The following GABRB2 variants were observed in gnomAD, a reference collection of about 807,000 sequenced individuals.
GABRB2 encodes the protein gamma-aminobutyric acid type A receptor subunit beta2, also known as gamma-aminobutyric acid receptor subunit beta-2.
In GABRB2, 16 loss-of-function variants were observed where a neutral mutation model predicts 54.7. The observed-to-expected ratio is 0.29, with a 90% CI of 0.20 to 0.44. GABRB2 has a LOEUF of 0.44. Among genes scored for constraint, GABRB2 ranks in the 20% least tolerant of loss-of-function variants. GABRB2 has a pLI of 1.00. For synonymous variants in GABRB2, 244 were observed against 233.8 expected (o/e 1.04, Z -0.40); for missense variants, 355 against 644.0 (o/e 0.55, Z 4.86).
chr5:161,319,047 T>A (rs745846554), intron 9 of GABRB2, among the ~76,000 whole-genome samples: 12 of 151,824 alleles, frequency 7.9e-5, no homozygotes, highest in Non-Finnish European at 8.8e-5. Flanking sequence ...TAAATTGTCG[T>A]TGTTCCTGTT....
At chr5:161,497,756 C>T (rs1240768692) in intron 3 of GABRB2, among the ~76,000 whole-genome samples, 2 of 152,098 alleles carry the variant, frequency 1.3e-5, no homozygotes, top group Admixed American at 6.6e-5. Context: ...TCTATTACAG[C>T]CTTTCAAGGT....
At chr5:161,355,442 C>T (rs1754591767) in intron 5 of GABRB2, among the ~76,000 whole-genome samples, 1 of 150,654 alleles carries the variant, frequency 6.6e-6, no homozygotes, top group South Asian at 2.1e-4. Flanking sequence ...GTATATAACA[C>T]ACACATATAT....
chr5:161,312,271 T>C (rs1172230394), intron 9 of GABRB2, among the ~76,000 whole-genome samples: 1 of 152,168 alleles, frequency 6.6e-6, no homozygotes. Context: ...TTAGAATTCT[T>C]GTTAATTTGA....
At chr5:161,301,299 C>T (rs1757529677) in intron 9 of GABRB2, among the ~76,000 whole-genome samples, 1 of 152,174 alleles carries the variant, frequency 6.6e-6, no homozygotes, top group South Asian at 2.1e-4. Flanking sequence ...ATGAATTTAG[C>T]TAATCCTTAA....
In GABRB2 at chr5:161,319,409, A is replaced by T. The variant is rs556295089; in HGVS notation, c.1191+6959T>A. On this transcript the variant is annotated intron_variant, in intron 9 of 9. Transcript: ENST00000393959. ...AAAGGCTATAATATAAAAATATATT[A>T]TATATATTTTATATATTTATTTTAT... 2.2e-3 allele frequency among the ~76,000 whole-genome samples: 325 copies of T among 147,588 alleles called. 3 individuals carry two copies. The highest frequency in any genetic ancestry group is 0.011 in the Middle Eastern group (3 of 280).
At chr5:161,539,767 A>G (rs926992725) in intron 3 of GABRB2, among the ~76,000 whole-genome samples, 4 of 152,186 alleles carry the variant, frequency 2.6e-5, no homozygotes, top group South Asian at 2.1e-4. Context: ...TAAAGTGAAT[A>G]TCCCAATAAA....
intron 5 of GABRB2, among the ~76,000 whole-genome samples, chr5:161,389,820 A>G (rs531089463): frequency 5.3e-5 from 8 of 152,046 alleles, no homozygotes; most frequent in African/African-American, 1.9e-4. Flanking sequence ...GGAACAAATT[A>G]CCCCAAACCT....
At chr5:161,433,517 G>T (rs1006554706) in intron 4 of GABRB2, among the ~76,000 whole-genome samples, 3 of 151,966 alleles carry the variant, frequency 2.0e-5, no homozygotes, top group Non-Finnish European at 2.9e-5. Context: ...GACTTAGGTG[G>T]GAGGATCCTT....
intron 3 of GABRB2, among the ~76,000 whole-genome samples, chr5:161,492,391 G>A (rs1372135768): frequency 1.3e-5 from 2 of 151,554 alleles, no homozygotes; most frequent in South Asian, 2.1e-4. Flanking sequence ...ATAAGTGATC[G>A]TCTATGCCTG....
intron 5 of GABRB2, among the ~76,000 whole-genome samples, chr5:161,341,621 C>T (rs1426567068): frequency 1.2e-4 from 18 of 151,470 alleles, no homozygotes; most frequent in East Asian, 1.9e-4. Context: ...ATGGTAGATA[C>T]GTTCTCATTG....
In GABRB2 at chr5:161,442,229, T is replaced by A. The variant is rs150963783; in HGVS notation, c.458+17395A>T. Among the ~76,000 whole-genome samples the A allele has an allele frequency of 2.4e-4, 36 of 152,286 alleles. No homozygotes were observed. The East Asian group carries it at 5.8e-3, about 24-fold the overall frequency. On this transcript the variant is annotated intron_variant, in intron 4 of 9. Coordinates refer to ENST00000393959, the MANE Select transcript of GABRB2 (RefSeq NM_001371727.1). ...GTATCCCATAAATACAAATACCTAC[T>A]ATGTACCCCTACAAATGTACTTTTT...
chr5:161,465,127 T>C (rs1420910325), intron 3 of GABRB2, among the ~76,000 whole-genome samples: 1 of 152,144 alleles, frequency 6.6e-6, no homozygotes, highest in Non-Finnish European at 1.5e-5. Flanking sequence ...CCAGTATGTT[T>C]ATGTTCCTCT....
At chr5:161,535,665 T>C (rs1444727801) in intron 3 of GABRB2, among the ~76,000 whole-genome samples, 1 of 152,238 alleles carries the variant, frequency 6.6e-6, no homozygotes, top group East Asian at 1.9e-4. Flanking sequence ...AGTGGCTGTC[T>C]CAGTTTTTAT....
chr5:161,385,433 G>C (rs925130302), intron 5 of GABRB2, among the ~76,000 whole-genome samples: 1 of 152,174 alleles, frequency 6.6e-6, no homozygotes. Context: ...AAACAGTCTT[G>C]GTAACCGATG....
chr5:161,379,427 A>G (rs1406170715), intron 5 of GABRB2, among the ~76,000 whole-genome samples: 2 of 152,184 alleles, frequency 1.3e-5, no homozygotes, highest in Non-Finnish European at 2.9e-5. Flanking sequence ...CCTTTTCCTG[A>G]GAAGTATGCT....
chr5:161,346,823 T>C (rs1754330769), intron 5 of GABRB2, among the ~76,000 whole-genome samples: 1 of 152,110 alleles, frequency 6.6e-6, no homozygotes, highest in South Asian at 2.1e-4. Flanking sequence ...GTAAGGAAAT[T>C]ATCTTTTTTA....
intron 5 of GABRB2, among the ~76,000 whole-genome samples, chr5:161,340,242 C>T (rs976799383): frequency 2.0e-5 from 3 of 152,028 alleles, no homozygotes; most frequent in Non-Finnish European, 4.4e-5. Context: ...TTACTAGGAA[C>T]TGCAAACTTT....
rs571898932 is a variant in GABRB2 at position 161,312,822 on chromosome 5, C to T, written c.1191+13546G>A. On this transcript the variant is annotated intron_variant, in intron 9 of 9. Transcript: ENST00000393959. ...TCTTAGATTGTTGATTCTGATGTTA[C>T]AGTCTGAGAATGAACCTCTCTATAA... 3.3e-5 allele frequency among the ~76,000 whole-genome samples: 5 copies of T among 152,086 alleles called. No individual in the cohort carries two copies. In the East Asian group the frequency reaches 9.7e-4, roughly 30 times the overall value.
intron 3 of GABRB2, among the ~76,000 whole-genome samples, chr5:161,490,154 C>T (rs1454608117): frequency 1.3e-5 from 2 of 151,760 alleles, no homozygotes; most frequent in Admixed American, 6.6e-5. Flanking sequence ...TACTTACTGT[C>T]TCTGGCTAGG....
Sources: gnomAD v4.1 joint callset for allele counts (sites outside exome capture counted in the v4.1 genomes callset) on GRCh38, gnomAD v4.1.1 for gene constraint, MANE v1.5 for transcripts, NCBI Gene and HGNC (gene_info 2026-07-23, HGNC 2026-07-21) for gene names.